The following NDUFAF2 variants were observed in gnomAD, a reference collection of about 807,000 sequenced individuals.
NDUFAF2 encodes NADH dehydrogenase [ubiquinone] 1 alpha subcomplex assembly factor 2.
In NDUFAF2, 13 loss-of-function variants were observed where a neutral mutation model predicts 22.8. The ratio of observed to expected loss-of-function variants is 0.57; its 90% CI spans 0.37 to 0.91. The LOEUF is 0.91. Ranked by LOEUF, NDUFAF2 falls within the 40% of genes least tolerant of loss-of-function variation. The probability of loss-of-function intolerance (pLI) is 0.01; values close to 1 mark genes in which losing one functional copy is unlikely to be tolerated. For missense variants in NDUFAF2, 162 were observed against 195.2 expected (o/e 0.83, Z 1.01); for synonymous variants, 53 against 64.2 (o/e 0.83, Z 0.84).
At chr5:60,955,931 T>TC (rs1469669393) in intron 1 of NDUFAF2, among the ~76,000 whole-genome samples, 1 of 151,818 alleles carries the variant, frequency 6.6e-6, no homozygotes, top group East Asian at 1.9e-4. Flanking sequence ...TTTTTTTTTT[T>TC]TGAGATAGAG....
chr5:60,950,349 G>A (rs550580994), intron 1 of NDUFAF2, among the ~76,000 whole-genome samples: 1 of 152,082 alleles, frequency 6.6e-6, no homozygotes, highest in East Asian at 1.9e-4. Flanking sequence ...ACTATGCCTG[G>A]CTAATTTTTT....
intron 1 of NDUFAF2, among the ~76,000 whole-genome samples, chr5:61,026,439 G>T (rs188229728): frequency 2.6e-5 from 4 of 152,014 alleles, no homozygotes; most frequent in African/African-American, 9.7e-5. Context: ...TATGTGTTTA[G>T]TCATTTGTAG....
At chr5:61,061,367 CTATT>C (rs1182973108) in intron 1 of NDUFAF2, among the ~76,000 whole-genome samples, 6 of 151,980 alleles carry the variant, frequency 3.9e-5, no homozygotes, top group South Asian at 2.1e-4. Context: ...ATTTATTCAT[CTATT>C]TATCTATATT....
intron 3 of NDUFAF2, chr5:61,116,299 G>A (rs1326069497): frequency 6.6e-6 from 1 of 151,818 alleles, no homozygotes; most frequent in East Asian, 1.9e-4. Context: ...AAATAAATAG[G>A]GTAAAACACT....
At chr5:61,081,882 A>G (rs941533765) in intron 2 of NDUFAF2, among the ~76,000 whole-genome samples, 7 of 152,256 alleles carry the variant, frequency 4.6e-5, no homozygotes, top group African/African-American at 1.7e-4. Flanking sequence ...GAACTAAAAT[A>G]TATTTCTTCA....
At chr5:61,113,245 G>A (rs2111787231) in intron 3 of NDUFAF2, among the ~76,000 whole-genome samples, 1 of 152,266 alleles carries the variant, frequency 6.6e-6, no homozygotes, top group South Asian at 2.1e-4. Context: ...ACTATTACTA[G>A]TGAGTTTGTT....
At chr5:61,147,117 G>T (rs576410577) in intron 3 of NDUFAF2, among the ~76,000 whole-genome samples, 1 of 151,794 alleles carries the variant, frequency 6.6e-6, no homozygotes, top group Non-Finnish European at 1.5e-5. Flanking sequence ...TCATCCTTTC[G>T]TCTTCACCTC....
At chr5:61,045,755 T>C (rs74745281) in intron 1 of NDUFAF2, among the ~76,000 whole-genome samples, 1 of 152,158 alleles carries the variant, frequency 6.6e-6, no homozygotes, top group Non-Finnish European at 1.5e-5. Context: ...ATATAAGACC[T>C]TGTCATCTGT....
chr5:61,073,828 G>C (rs539422014), intron 2 of NDUFAF2, among the ~76,000 whole-genome samples: 2 of 152,292 alleles, frequency 1.3e-5, no homozygotes, highest in South Asian at 2.1e-4. Context: ...TTAGTAGCTT[G>C]TAAGTGGTCA....
At chr5:60,978,789 G>T (rs1220688238) in intron 1 of NDUFAF2, among the ~76,000 whole-genome samples, 1 of 152,244 alleles carries the variant, frequency 6.6e-6, no homozygotes, top group South Asian at 2.1e-4. Flanking sequence ...CGGAGATGGT[G>T]GACTTGCGGT....
chr5:61,139,196 T>C (rs1439343848), intron 3 of NDUFAF2, among the ~76,000 whole-genome samples: 2 of 152,226 alleles, frequency 1.3e-5, no homozygotes, highest in Admixed American at 6.5e-5. Flanking sequence ...TACATTAGCC[T>C]GCAGTTGGGC....
intron 1 of NDUFAF2, among the ~76,000 whole-genome samples, chr5:60,957,249 A>C (rs1750628640): frequency 6.6e-6 from 1 of 152,062 alleles, no homozygotes; most frequent in African/African-American, 2.4e-5. Flanking sequence ...GTTAAATATA[A>C]TTTTCTTCCT....
At chr5:61,003,275 G>T (rs769851856) in intron 1 of NDUFAF2, among the ~76,000 whole-genome samples, 8 of 152,054 alleles carry the variant, frequency 5.3e-5, no homozygotes, top group Non-Finnish European at 1.0e-4. Context: ...GGCTAAGAAG[G>T]CCTTTGGAAT....
intron 1 of NDUFAF2, among the ~76,000 whole-genome samples, chr5:60,975,549 A>G (rs1750891351): frequency 6.6e-6 from 1 of 152,190 alleles, no homozygotes; most frequent in Non-Finnish European, 1.5e-5. Context: ...AGTTATTAAC[A>G]ATAGATGGTA....
intron 3 of NDUFAF2, among the ~76,000 whole-genome samples, chr5:61,101,041 C>G (rs1216893427): frequency 4.6e-5 from 7 of 152,122 alleles, no homozygotes; most frequent in Non-Finnish European, 7.4e-5. Context: ...ATTAGGCACA[C>G]TTTAGTTTTT....
intron 1 of NDUFAF2, among the ~76,000 whole-genome samples, chr5:60,962,996 C>T (rs563600826): frequency 2.0e-5 from 3 of 152,032 alleles, no homozygotes; most frequent in South Asian, 4.2e-4. Context: ...AGTCATTCTC[C>T]TGCCTCAGCT....
At chr5:60,950,494 T>A (rs1158329466) in intron 1 of NDUFAF2, among the ~76,000 whole-genome samples, 2 of 152,132 alleles carry the variant, frequency 1.3e-5, no homozygotes, top group African/African-American at 4.8e-5. Context: ...CACTACTCTT[T>A]CATTGTTAAG....
intron 1 of NDUFAF2, among the ~76,000 whole-genome samples, chr5:61,049,278 C>T (rs1310249510): frequency 6.6e-6 from 1 of 151,718 alleles, no homozygotes; most frequent in Non-Finnish European, 1.5e-5. Context: ...TATTAAATAT[C>T]TTTTTAAATC....
At chr5:61,083,114 C>T (rs1464836969) in intron 2 of NDUFAF2, 1 of 152,106 alleles carries the variant, frequency 6.6e-6, no homozygotes, top group Admixed American at 6.5e-5. Context: ...ATTTGCATTT[C>T]TCAGATGATT....
Sources: allele counts gnomAD v4.1 joint callset (sites outside exome capture counted in the v4.1 genomes callset), GRCh38; gene constraint gnomAD v4.1.1; transcripts MANE v1.5; gene names NCBI Gene and HGNC (gene_info 2026-07-23, HGNC 2026-07-21).